CFAP20DC: variants seen among roughly 807,000 people sequenced by gnomAD.
CFAP20DC encodes the protein protein CFAP20DC.
CFAP20DC carries 84 observed loss-of-function variants against 101.7 expected under a neutral mutation model. The observed-to-expected ratio is 0.83, with a 90% CI of 0.69 to 0.99. The LOEUF (loss-of-function observed/expected upper bound fraction) is 0.99. CFAP20DC is among the 50% of genes least tolerant of loss of function. The pLI is 0.00. For missense variants in CFAP20DC, 1,007 were observed against 970.3 expected (o/e 1.04, Z -0.50); for synonymous variants, 359 against 351.2 (o/e 1.02, Z -0.25).
chr3:58,836,096 C>A (rs2076719240), intron 13 of CFAP20DC, among the ~76,000 whole-genome samples: 1 of 152,142 alleles, frequency 6.6e-6, no homozygotes. Context: ...GCCATTCAAT[C>A]CATTCATTTT....
At chr3:58,943,538 A>T (rs1373916953) in intron 4 of CFAP20DC, among the ~76,000 whole-genome samples, 2 of 152,210 alleles carry the variant, frequency 1.3e-5, no homozygotes, top group African/African-American at 4.8e-5. Context: ...ATGAATGAAA[A>T]GGATGTCCAC....
At chr3:58,985,000 A>C (rs2092705048) in intron 4 of CFAP20DC, among the ~76,000 whole-genome samples, 1 of 152,140 alleles carries the variant, frequency 6.6e-6, no homozygotes. Context: ...TCCTGGGCTC[A>C]AGTGATCCTC....
chr3:58,742,062 C>A lies in CFAP20DC; in HGVS notation c.*398G>T. On this transcript the variant is annotated 3_prime_UTR_variant, in exon 17 of 17. Transcript: ENST00000482387. The stretch of plus-strand genomic sequence containing the variant: ...TACAAATGCCATAAAATAAAAGGTA[C>A]CCAGGCATCTTTTAAGCAAAAATAC... 1 of 968,672 alleles carries A rather than the reference C, an allele frequency of 1.0e-6. No homozygotes were observed. Among genetic ancestry groups the A allele is most frequent in the Non-Finnish European group, 1.2e-6 (1 of 814,310 alleles). 60.0% of individuals were successfully genotyped at this position (968,672 alleles called of 1,614,324 possible). A position where few individuals can be genotyped will look rare whatever the true frequency, so the allele number is the denominator to read the frequency against.
intron 4 of CFAP20DC, among the ~76,000 whole-genome samples, chr3:58,999,405 C>T (rs1407564189): frequency 1.3e-5 from 2 of 152,092 alleles, no homozygotes; most frequent in Non-Finnish European, 2.9e-5. Flanking sequence ...CAACAGAGGC[C>T]CACTGAGTAA....
rs1284010418 is a variant in CFAP20DC, at chr3:59,001,254, T to C, written c.278+38303A>G. On this transcript the variant is annotated intron_variant, in intron 4 of 16. Coordinates refer to ENST00000482387, the MANE Select transcript of CFAP20DC (RefSeq NM_001394063.1). This position sits in a 1 kb window ranked among gnomAD's most constrained non-coding sequence, Gnocchi z 4.5. ...TACTTTATCCTTGAAGATTCTTTGA[T>C]ACTACTATAAAAATACAAGGCCTGA... Among the ~76,000 whole-genome samples the C allele has an allele frequency of 6.6e-6, 1 of 152,166 alleles. No homozygotes were observed. The highest frequency in any genetic ancestry group is 1.5e-5 in the Non-Finnish European group (1 of 68,036).
chr3:58,951,201 A>T (rs1354388447), intron 4 of CFAP20DC, among the ~76,000 whole-genome samples: 1 of 152,232 alleles, frequency 6.6e-6, no homozygotes, highest in East Asian at 1.9e-4. Flanking sequence ...TCAAAACCAC[A>T]ATGAGATACC....
chr3:59,024,787 C>G (rs2093863547), intron 4 of CFAP20DC, among the ~76,000 whole-genome samples: 2 of 152,102 alleles, frequency 1.3e-5, no homozygotes, highest in South Asian at 4.1e-4. Flanking sequence ...ATTTAATTAA[C>G]TACCAGAATA....
chr3:58,743,003 G>A (rs777501862), intron 16 of CFAP20DC, among the ~76,000 whole-genome samples: 1 of 152,088 alleles, frequency 6.6e-6, no homozygotes, highest in Non-Finnish European at 1.5e-5. Context: ...AACTTGATCC[G>A]CATTCAATCA....
chr3:58,901,871 C>A (rs1472423718), intron 6 of CFAP20DC, among the ~76,000 whole-genome samples: 1 of 152,180 alleles, frequency 6.6e-6, no homozygotes, highest in Non-Finnish European at 1.5e-5. Flanking sequence ...TCAGACATTT[C>A]TATCACTCCA....
At chr3:58,850,748 T>G (rs531719420) in intron 12 of CFAP20DC, among the ~76,000 whole-genome samples, 1 of 152,316 alleles carries the variant, frequency 6.6e-6, no homozygotes, top group African/African-American at 2.4e-5. Context: ...ATGCGTATCT[T>G]GACATTCAGT....
At chr3:58,900,150 A>C (rs1302444195) in intron 6 of CFAP20DC, among the ~76,000 whole-genome samples, 1 of 152,218 alleles carries the variant, frequency 6.6e-6, no homozygotes, top group East Asian at 1.9e-4. Context: ...AGATCATCGA[A>C]GACTGTGAAG....
At chr3:58,875,664 T>C (rs2080687437) in intron 7 of CFAP20DC, among the ~76,000 whole-genome samples, 2 of 152,196 alleles carry the variant, frequency 1.3e-5, no homozygotes, top group South Asian at 4.1e-4. Context: ...AGTTCTTTTG[T>C]AGAAAGACCA....
chr3:58,731,028 T>G (rs1258309893), intron 3 of CFAP20DC, among the ~76,000 whole-genome samples: 2 of 152,162 alleles, frequency 1.3e-5, no homozygotes, highest in African/African-American at 4.8e-5. Flanking sequence ...GTTTATTAAA[T>G]GCAACAACAA....
At chr3:58,843,096 C>T (rs1326114172) in intron 13 of CFAP20DC, among the ~76,000 whole-genome samples, 2 of 152,188 alleles carry the variant, frequency 1.3e-5, no homozygotes, top group Non-Finnish European at 2.9e-5. Context: ...AACTCTAAAA[C>T]GCAGAGCGCC....
At chr3:58,853,499 C>T (rs1464838461) in intron 12 of CFAP20DC, among the ~76,000 whole-genome samples, 2 of 152,126 alleles carry the variant, frequency 1.3e-5, no homozygotes, top group African/African-American at 4.8e-5. Context: ...CCAGCATCAT[C>T]CTGATACCAA....
At chr3:58,811,498 C>A (rs2074628815) in intron 14 of CFAP20DC, among the ~76,000 whole-genome samples, 1 of 151,968 alleles carries the variant, frequency 6.6e-6, no homozygotes, top group Non-Finnish European at 1.5e-5. Flanking sequence ...AACTGGCTAG[C>A]CATATGTAGA....
chr3:58,921,012 T>A (rs1310336818), intron 5 of CFAP20DC, among the ~76,000 whole-genome samples: 1 of 152,202 alleles, frequency 6.6e-6, no homozygotes, highest in Admixed American at 6.5e-5. Flanking sequence ...TTTTAGCAAT[T>A]TGTGTCTTTA....
chr3:58,983,504 G>C (rs771472771), intron 4 of CFAP20DC, among the ~76,000 whole-genome samples: 14 of 152,064 alleles, frequency 9.2e-5, no homozygotes, highest in Non-Finnish European at 1.9e-4. Flanking sequence ...TTTTCTATTT[G>C]AAAGATTTAC....
intron 15 of CFAP20DC, among the ~76,000 whole-genome samples, chr3:58,766,971 T>C (rs1176068387): frequency 6.6e-6 from 1 of 152,246 alleles, no homozygotes; most frequent in Non-Finnish European, 1.5e-5. Context: ...TTAGAGCAAC[T>C]GTGATCTTCT....
Sources: gnomAD v4.1 joint callset for allele counts (sites outside exome capture counted in the v4.1 genomes callset) on GRCh38, gnomAD v4.1.1 for gene constraint, Gnocchi (gnomAD v3.1) non-coding constraint, MANE v1.5 for transcripts, NCBI Gene and HGNC (gene_info 2026-07-23, HGNC 2026-07-21) for gene names.